The following POU2F2 variants were observed in gnomAD, a reference collection of about 807,000 sequenced individuals.
POU2F2 encodes the protein POU domain, class 2, transcription factor 2.
A neutral mutation model predicts 63.5 loss-of-function variants in POU2F2; 14 were observed. That is an observed-to-expected ratio of 0.22 (90% CI 0.15 to 0.34). POU2F2 has a LOEUF of 0.34. Among genes scored for constraint, POU2F2 ranks in the 10% least tolerant of loss-of-function variants. The probability of loss-of-function intolerance (pLI) is 1.00; values close to 1 mark genes in which losing one functional copy is unlikely to be tolerated. For missense variants in POU2F2, 607 were observed against 815.2 expected, an observed-to-expected ratio of 0.74 and a Z score of 3.11; for synonymous variants, 306 against 348.6, an observed-to-expected ratio of 0.88 and a Z score of 1.36.
chr19:42,177,042 A>C (rs2034898080), upstream of POU2F2: 1 of 141,890 alleles, frequency 7.0e-6, no homozygotes, highest in Non-Finnish European at 1.6e-5. Context: ...AGGGGCTGCG[A>C]GGGGAGAGGG....
At chr19:42,133,504 C>T (rs911565842), upstream of POU2F2, 5 of 154,682 alleles carry the variant, frequency 3.2e-5, no homozygotes, top group African/African-American at 1.2e-4. This position sits in a 1 kb window ranked among gnomAD's most constrained non-coding sequence, Gnocchi z 5.1. Context: ...ACATGCCCGC[C>T]TGGGCCCCGC....
chr19:42,195,377 G>C (rs190259209), intron 1 of POU2F2, among the ~76,000 whole-genome samples: 1 of 134,850 alleles, frequency 7.4e-6, no homozygotes, highest in African/African-American at 2.9e-5. Flanking sequence ...CTGTCGCCCA[G>C]GCTGGAGTGC....
At chr19:42,178,347 A>G (rs941372199), upstream of POU2F2, among the ~76,000 whole-genome samples, 2 of 152,200 alleles carry the variant, frequency 1.3e-5, no homozygotes, top group Non-Finnish European at 2.9e-5. Flanking sequence ...AGACTAATTC[A>G]CAAAGACAGA....
At chr19:42,160,086 C>A (rs2034525855) in intron 2 of POU2F2, among the ~76,000 whole-genome samples, 1 of 152,122 alleles carries the variant, frequency 6.6e-6, no homozygotes, top group South Asian at 2.1e-4. Context: ...TCCTACTGAG[C>A]CGTAACACTG....
chr19:42,093,104 G>C (rs968491444), intron 12 of POU2F2, among the ~76,000 whole-genome samples: 1 of 143,456 alleles, frequency 7.0e-6, no homozygotes, highest in South Asian at 2.2e-4. Flanking sequence ...TCCTCCTCCC[G>C]GATTCAAGTG....
At chr19:42,143,410 C>A (rs1157169251) in intron 2 of POU2F2, among the ~76,000 whole-genome samples, 1 of 152,212 alleles carries the variant, frequency 6.6e-6, no homozygotes, top group Non-Finnish European at 1.5e-5. Context: ...TGACTGTGTG[C>A]TTCCTGTGGG....
At chr19:42,142,588 G>A (rs976245392) in intron 2 of POU2F2, among the ~76,000 whole-genome samples, 15 of 149,664 alleles carry the variant, frequency 1.0e-4, no homozygotes, top group Non-Finnish European at 1.9e-4. Flanking sequence ...TTTGAGACAG[G>A]GTCGTCTCAC....
At chr19:42,165,005 G>A (rs959912919) in intron 1 of POU2F2, among the ~76,000 whole-genome samples, 3 of 150,198 alleles carry the variant, frequency 2.0e-5, no homozygotes, top group South Asian at 2.1e-4. Context: ...TTTGTTGTTC[G>A]TTTAACTAGA....
At chr19:42,102,518 T>C (rs1218629024) in intron 5 of POU2F2, among the ~76,000 whole-genome samples, 3 of 151,210 alleles carry the variant, frequency 2.0e-5, no homozygotes, top group African/African-American at 7.3e-5. Flanking sequence ...GCACCTTGGG[T>C]GGTTGAGGCA....
upstream of POU2F2, among the ~76,000 whole-genome samples, chr19:42,179,655 C>T (rs977353228): frequency 1.3e-5 from 2 of 152,012 alleles, no homozygotes; most frequent in African/African-American, 2.4e-5. Context: ...AGTGGACACG[C>T]GGGACCCTCA....
At chr19:42,166,108 G>A (rs769787131) in intron 1 of POU2F2, among the ~76,000 whole-genome samples, 12 of 152,274 alleles carry the variant, frequency 7.9e-5, no homozygotes, top group Admixed American at 3.3e-4. Context: ...AGTTGCTGCC[G>A]CAATGGCCCC....
chr19:42,171,486 G>A (rs1186863051), intron 1 of POU2F2, among the ~76,000 whole-genome samples: 1 of 151,556 alleles, frequency 6.6e-6, no homozygotes. Context: ...TAATGCAGGA[G>A]TGACTTGGTG....
intron 2 of POU2F2, among the ~76,000 whole-genome samples, chr19:42,138,312 G>A (rs1285270619): frequency 6.6e-6 from 1 of 152,160 alleles, no homozygotes; most frequent in Admixed American, 6.5e-5. Context: ...TATCTTTCCT[G>A]GCACAGAAGA....
intron 5 of POU2F2, among the ~76,000 whole-genome samples, chr19:42,115,960 G>A (rs935279096): frequency 6.6e-6 from 1 of 152,230 alleles, no homozygotes; most frequent in Non-Finnish European, 1.5e-5. Context: ...AGAGATTGGA[G>A]TGAGCCATCT....
intron 1 of POU2F2, among the ~76,000 whole-genome samples, chr19:42,190,021 C>T (rs1009885298): frequency 2.3e-4 from 35 of 152,278 alleles, no homozygotes; most frequent in African/African-American, 7.7e-4. Context: ...GCCGCTGCAC[C>T]TGGTGAGTTT....
chr19:42,168,296 A>G (rs1401335136), intron 1 of POU2F2, among the ~76,000 whole-genome samples: 1 of 152,152 alleles, frequency 6.6e-6, no homozygotes, highest in Non-Finnish European at 1.5e-5. Flanking sequence ...CCTGGCTCAC[A>G]TGCTCTGTCT....
chr19:42,152,141 G>A lies in POU2F2; in HGVS notation c.-9+8191C>T, dbSNP rs1176972751. 1.3e-5 allele frequency among the ~76,000 whole-genome samples: 2 copies of A among 152,146 alleles called. No homozygotes were observed. Among genetic ancestry groups the A allele is most frequent in the African/African-American group, 2.4e-5 (1 of 41,408 alleles). ...CATCCACCCAGCCTGACTGTGGGGCGCAACGGGTAGCTGAGGCAATGAACA... is the reference window on the plus strand; with the variant it reads ...CATCCACCCAGCCTGACTGTGGGGCACAACGGGTAGCTGAGGCAATGAACA... On this transcript the variant is annotated intron_variant, in intron 2 of 6. Transcript: ENST00000524801. This position sits in a 1 kb window ranked among gnomAD's most constrained non-coding sequence, Gnocchi z 4.1.
intron 1 of POU2F2, among the ~76,000 whole-genome samples, chr19:42,196,019 A>C (rs2035141397): frequency 6.6e-6 from 1 of 152,142 alleles, no homozygotes; most frequent in African/African-American, 2.4e-5. Context: ...ACCTCAGGTA[A>C]TATGAACAGT....
At chr19:42,125,142 G>A (rs1342522324) in intron 1 of POU2F2, among the ~76,000 whole-genome samples, 1 of 152,124 alleles carries the variant, frequency 6.6e-6, no homozygotes, top group Non-Finnish European at 1.5e-5. Flanking sequence ...TAGATCACTT[G>A]AGGCTAGGAG....
Sources: gnomAD v4.1 joint callset for allele counts (sites outside exome capture counted in the v4.1 genomes callset) on GRCh38, gnomAD v4.1.1 for gene constraint, Gnocchi (gnomAD v3.1) non-coding constraint, MANE v1.5 for transcripts, NCBI Gene and HGNC (gene_info 2026-07-23, HGNC 2026-07-21) for gene names.